KCNU1: variants seen among roughly 807,000 people sequenced by gnomAD.
KCNU1 encodes the protein potassium calcium-activated channel subfamily U member 1, also known as potassium channel subfamily U member 1.
In KCNU1, 93 loss-of-function variants were observed where a neutral mutation model predicts 126.8. The observed-to-expected ratio is 0.73, with a 90% CI of 0.62 to 0.87. The LOEUF is 0.87. Among genes scored for constraint, KCNU1 ranks in the 40% least tolerant of loss-of-function variants. The probability of loss-of-function intolerance (pLI) is 0.00; values close to 1 mark genes in which losing one functional copy is unlikely to be tolerated. For synonymous variants in KCNU1, 523 were observed against 494.2 expected (o/e 1.06, Z -0.77); for missense variants, 1,330 against 1,367.1 (o/e 0.97, Z 0.43).
At chr8:36,889,582 AT>A (rs1282922714) in intron 19 of KCNU1, among the ~76,000 whole-genome samples, 1 of 152,212 alleles carries the variant, frequency 6.6e-6, no homozygotes, top group Non-Finnish European at 1.5e-5. Context: ...CCAAACTGAT[AT>A]AAAAGGGCAT....
intron 10 of KCNU1, among the ~76,000 whole-genome samples, chr8:36,820,124 C>G (rs1804068387): frequency 6.6e-6 from 1 of 152,138 alleles, no homozygotes; most frequent in Admixed American, 6.5e-5. Context: ...CCTTGTGAAG[C>G]TCCTGGATGA....
chr8:36,933,089 T>TA lies in KCNU1; in HGVS notation c.3044+58dup, dbSNP rs1808751659. ...CCCATTCAAGCATAAGAACCAAAGC[T>TA]ACTTTATTCAATGTGAAAGAGAATT... On this transcript the variant is annotated intron_variant, in intron 26 of 26. Coordinates refer to ENST00000399881, the MANE Select transcript of KCNU1 (RefSeq NM_001031836.3). The TA allele has an allele frequency of 5.6e-6, 6 of 1,062,294 alleles. 1 individual carries two copies. The South Asian group carries it at 8.2e-5, about 15-fold the overall frequency. 65.8% of individuals were successfully genotyped at this position (1,062,294 alleles called of 1,614,324 possible).
intron 19 of KCNU1, among the ~76,000 whole-genome samples, chr8:36,882,977 T>C (rs1389998266): frequency 6.6e-6 from 1 of 152,120 alleles, no homozygotes; most frequent in Non-Finnish European, 1.5e-5. Flanking sequence ...TCTATCCATC[T>C]CTTTTTTGCC....
chr8:36,865,630 G>C (rs1167425231), intron 19 of KCNU1, among the ~76,000 whole-genome samples: 1 of 150,128 alleles, frequency 6.7e-6, no homozygotes, highest in African/African-American at 2.4e-5. Flanking sequence ...AAAAAAATGA[G>C]CCAGGCCTGG....
intron 2 of KCNU1, among the ~76,000 whole-genome samples, chr8:36,796,304 C>G (rs1436937262): frequency 6.6e-6 from 1 of 152,024 alleles, no homozygotes; most frequent in African/African-American, 2.4e-5. Flanking sequence ...TGGAGAAATT[C>G]TTTGTTGCCT....
chr8:36,809,158 A>G (rs559003453), intron 7 of KCNU1, among the ~76,000 whole-genome samples: 1 of 152,288 alleles, frequency 6.6e-6, no homozygotes, highest in East Asian at 1.9e-4. Context: ...AGACTTATAA[A>G]TGCTGGAGAC....
At chr8:36,925,161 G>A (rs1440193493) in intron 24 of KCNU1, among the ~76,000 whole-genome samples, 1 of 152,094 alleles carries the variant, frequency 6.6e-6, no homozygotes, top group Non-Finnish European at 1.5e-5. Flanking sequence ...ATTCTTGCTG[G>A]AAAACAAAAT....
At chr8:36,858,660 C>T (rs1419435393) in intron 18 of KCNU1, among the ~76,000 whole-genome samples, 1 of 152,066 alleles carries the variant, frequency 6.6e-6, no homozygotes, top group East Asian at 1.9e-4. Context: ...AATAATCATC[C>T]CTTTTTAGCT....
intron 10 of KCNU1, among the ~76,000 whole-genome samples, chr8:36,820,076 C>A (rs1804065859): frequency 1.3e-5 from 2 of 152,116 alleles, no homozygotes; most frequent in African/African-American, 4.8e-5. Context: ...ATAGCTGAAG[C>A]AACAGTCATG....
intron 16 of KCNU1, among the ~76,000 whole-genome samples, chr8:36,845,019 T>A (rs1036291875): frequency 6.6e-6 from 1 of 152,162 alleles, no homozygotes; most frequent in African/African-American, 2.4e-5. Flanking sequence ...TCAAGTAAGA[T>A]AACAATAGAA....
intron 7 of KCNU1, among the ~76,000 whole-genome samples, chr8:36,811,239 T>C (rs577367261): frequency 6.6e-6 from 1 of 152,204 alleles, no homozygotes; most frequent in Admixed American, 6.5e-5. Flanking sequence ...ACCAGAAAGA[T>C]GTTTTAAAAC....
chr8:36,931,121 C>G lies in KCNU1; in HGVS notation c.2907C>G (p.His969Gln), dbSNP rs752811947. Residue 969 changes from histidine to glutamine, a missense_variant, in exon 25 of 27, where the codon CAC (histidine) becomes CAG (glutamine). Physicochemically the swap from His to Gln is conservative, Grantham distance 24 (BLOSUM62 0). Around this residue, in one of 3 missense-constraint regions of KCNU1, gnomAD observed 1,054 missense variants for 1,053.9 expected, o/e 1.00. Transcript: ENST00000399881. ...NRCKLGLLSL[H>Q]ETILSDVNPR... ...GTAAGCTGGGGCTTCTGTCCTTACA[C>G]GAAACCATTTTATCAGACGTTAATG... 6.2e-7 allele frequency: 1 copy of G among 1,608,062 alleles called. No individual in the cohort carries two copies. The highest frequency in any genetic ancestry group is 1.7e-5 in the Admixed American group (1 of 58,918).
At chr8:36,848,222 A>G (rs1805219767) in intron 18 of KCNU1, among the ~76,000 whole-genome samples, 2 of 152,144 alleles carry the variant, frequency 1.3e-5, no homozygotes, top group Admixed American at 1.3e-4. Flanking sequence ...TGGTTTGCAA[A>G]TATTTTCTCC....
intron 19 of KCNU1, among the ~76,000 whole-genome samples, chr8:36,867,552 A>T (rs991737083): frequency 2.0e-5 from 3 of 152,202 alleles, no homozygotes; most frequent in Non-Finnish European, 4.4e-5. Flanking sequence ...AGACATAAAG[A>T]CAACATATGT....
intron 21 of KCNU1, 25 bp from the exon 22 acceptor site, chr8:36,910,905 C>G: frequency 7.7e-5 from 109 of 1,419,730 alleles, no homozygotes; most frequent in Non-Finnish European, 9.9e-5. Context: ...CGACCAGTGC[C>G]TCCTCTCTCT....
At chr8:36,864,560 T>G in intron 19 of KCNU1, 39 bp downstream of exon 19, 2 of 1,197,190 alleles carry the variant, frequency 1.7e-6, no homozygotes, top group South Asian at 1.2e-5. Context: ...TATAGTTTTT[T>G]TGAGAATCAG....
At chr8:36,791,344 A>G (rs1258015150) in intron 2 of KCNU1, among the ~76,000 whole-genome samples, 1 of 152,100 alleles carries the variant, frequency 6.6e-6, no homozygotes, top group Non-Finnish European at 1.5e-5. Flanking sequence ...GTGTTTCTCT[A>G]TTGCTTTGTG....
In KCNU1 at chr8:36,856,405, T is replaced by C. The variant is rs550712587; in HGVS notation, c.1892-7999T>C. Among the ~76,000 whole-genome samples, 6 of 152,350 alleles carry C rather than the reference T, an allele frequency of 3.9e-5. No homozygotes were observed. The East Asian group carries it at 1.2e-3, about 29-fold the overall frequency. ...TGAAAATGGATATTGTAGATAATTA[T>C]AGCAGCTCTGAAAACCAAGGCTTGT... On this transcript the variant is annotated intron_variant, in intron 18 of 26. Coordinates refer to ENST00000399881, the MANE Select transcript of KCNU1 (RefSeq NM_001031836.3).
intron 24 of KCNU1, among the ~76,000 whole-genome samples, chr8:36,923,477 A>G (rs903323373): frequency 6.6e-6 from 1 of 152,180 alleles, no homozygotes; most frequent in African/African-American, 2.4e-5. Flanking sequence ...ATGTGACCCC[A>G]GCTCTGGGGG....
Sources: gnomAD v4.1 joint callset for allele counts (sites outside exome capture counted in the v4.1 genomes callset) on GRCh38, gnomAD v4.1.1 for gene constraint, gnomAD v4.1.1 regional missense constraint, MANE v1.5 for transcripts, NCBI Gene and HGNC (gene_info 2026-07-23, HGNC 2026-07-21) for gene names.